The following OR51B5 variants were observed in gnomAD, a reference collection of about 807,000 sequenced individuals.
OR51B5 encodes the protein olfactory receptor family 51 subfamily B member 5, also known as olfactory receptor 51B5.
For synonymous variants in OR51B5, 186 were observed against 144.8 expected (o/e 1.28, Z -2.04); for missense variants, 456 against 374.6 (o/e 1.22, Z -1.79).
intron 1 of OR51B5, among the ~76,000 whole-genome samples, chr11:5,498,587 A>T (rs561764036): frequency 6.6e-6 from 1 of 152,316 alleles, no homozygotes; most frequent in African/African-American, 2.4e-5. Context: ...AAACGATATT[A>T]GTTTCAGTAT....
intron 1 of OR51B5, among the ~76,000 whole-genome samples, chr11:5,397,077 G>C (rs1157998228): frequency 6.6e-6 from 1 of 152,170 alleles, no homozygotes; most frequent in Non-Finnish European, 1.5e-5. Flanking sequence ...AGACTTAAAT[G>C]TTAGACCTAA....
chr11:5,432,747 A>G (rs978362302), intron 1 of OR51B5, among the ~76,000 whole-genome samples: 2 of 152,204 alleles, frequency 1.3e-5, no homozygotes, highest in Non-Finnish European at 2.9e-5. Context: ...GAAAAATTGA[A>G]TAACAGGCCA....
At chr11:5,342,798 T>A in exon 1 of OR51B5, 1 of 1,613,636 alleles carries the variant, frequency 6.2e-7, no homozygotes, top group Non-Finnish European at 8.5e-7. Context: ...ACACAGCAGA[T>A]ATGGGAGACA....
At chr11:5,479,476 A>G (rs1357310987) in intron 1 of OR51B5, among the ~76,000 whole-genome samples, 4 of 150,926 alleles carry the variant, frequency 2.7e-5, no homozygotes, top group African/African-American at 4.9e-5. Flanking sequence ...TCACCAGCTA[A>G]CATCATAATG....
intron 1 of OR51B5, among the ~76,000 whole-genome samples, chr11:5,383,211 A>T (rs990320229): frequency 2.0e-5 from 3 of 152,204 alleles, no homozygotes; most frequent in Non-Finnish European, 4.4e-5. Context: ...AAGATGAAGT[A>T]GAGAGCTTTG....
chr11:5,435,294 G>A (rs910914597), intron 1 of OR51B5, among the ~76,000 whole-genome samples: 3 of 152,130 alleles, frequency 2.0e-5, no homozygotes, highest in Admixed American at 6.5e-5. Flanking sequence ...GGTCTTAAAC[G>A]TGCTTTCTCT....
At chr11:5,394,861 G>C (rs1008251664) in intron 1 of OR51B5, among the ~76,000 whole-genome samples, 1 of 152,260 alleles carries the variant, frequency 6.6e-6, no homozygotes, top group South Asian at 2.1e-4. Flanking sequence ...TCAAATATCT[G>C]ACCCAAAGCT....
intron 1 of OR51B5, among the ~76,000 whole-genome samples, chr11:5,412,429 G>C (rs751447737): frequency 5.3e-5 from 8 of 152,192 alleles, no homozygotes; most frequent in Non-Finnish European, 7.3e-5. Context: ...GGGAGTGCCA[G>C]ACAGTGGGCG....
At chr11:5,414,151 T>C (rs1274986826) in intron 1 of OR51B5, among the ~76,000 whole-genome samples, 1 of 151,764 alleles carries the variant, frequency 6.6e-6, no homozygotes, top group Non-Finnish European at 1.5e-5. Context: ...GAAAAGAATT[T>C]TCAACCCAGA....
chr11:5,349,845 T>G (rs776975063), intron 1 of OR51B5, among the ~76,000 whole-genome samples: 2 of 152,162 alleles, frequency 1.3e-5, no homozygotes, highest in Non-Finnish European at 2.9e-5. Flanking sequence ...TTTAGCTATG[T>G]CAGAAGTTCC....
exon 1 of OR51B5, chr11:5,343,192 G>C: frequency 6.2e-7 from 1 of 1,613,762 alleles, no homozygotes; most frequent in Non-Finnish European, 8.5e-7. Context: ...CAAGCAGAAT[G>C]CCAGACTCGA....
At chr11:5,413,990 C>G (rs1348599857) in intron 1 of OR51B5, among the ~76,000 whole-genome samples, 1 of 146,238 alleles carries the variant, frequency 6.8e-6, no homozygotes, top group African/African-American at 2.5e-5. Flanking sequence ...GTCAGATTCT[C>G]CAAAGTTGAA....
chr11:5,411,417 C>A (rs961277550), intron 1 of OR51B5, among the ~76,000 whole-genome samples: 10 of 151,994 alleles, frequency 6.6e-5, no homozygotes, highest in African/African-American at 2.2e-4. Context: ...GATGTTGGCA[C>A]AACTACAATA....
At chr11:5,431,925 A>C (rs966935507) in intron 1 of OR51B5, among the ~76,000 whole-genome samples, 1 of 152,230 alleles carries the variant, frequency 6.6e-6, no homozygotes, top group Non-Finnish European at 1.5e-5. Flanking sequence ...TATTTATGGG[A>C]TACAAGTGAC....
chr11:5,343,710 A>T, upstream of OR51B5: 2 of 496,994 alleles, frequency 4.0e-6, no homozygotes, highest in Non-Finnish European at 7.0e-6. Flanking sequence ...TTGTATTCTT[A>T]ACTGCACATT....
chr11:5,376,637 G>A (rs574202610), intron 1 of OR51B5, among the ~76,000 whole-genome samples: 6 of 152,026 alleles, frequency 3.9e-5, no homozygotes, highest in East Asian at 1.9e-4. Context: ...TATCACCACC[G>A]ATCCCACAGA....
downstream of OR51B5, chr11:5,341,130 G>A (rs1193918696): frequency 6.6e-6 from 1 of 152,142 alleles, no homozygotes; most frequent in Non-Finnish European, 1.5e-5. Flanking sequence ...GACTCTCTAT[G>A]AGCAATACCT....
intron 1 of OR51B5, among the ~76,000 whole-genome samples, chr11:5,497,749 G>A (rs948955023): frequency 1.3e-5 from 2 of 152,072 alleles, no homozygotes; most frequent in African/African-American, 4.8e-5. Flanking sequence ...CTCTCACCAC[G>A]TTTGCCTCCA....
At chr11:5,404,554 C>A (rs974563021) in intron 1 of OR51B5, among the ~76,000 whole-genome samples, 3 of 152,130 alleles carry the variant, frequency 2.0e-5, no homozygotes, top group Admixed American at 6.5e-5. Context: ...TAAAATGGAC[C>A]AAGAAACAGG....
Sources: allele counts gnomAD v4.1 joint callset (sites outside exome capture counted in the v4.1 genomes callset), GRCh38; gene constraint gnomAD v4.1.1; transcripts MANE v1.5; gene names NCBI Gene and HGNC (gene_info 2026-07-23, HGNC 2026-07-21).